The following SLIT2 variants were observed in gnomAD, a reference collection of about 807,000 sequenced individuals.
SLIT2 encodes slit homolog 2 protein.
Under a neutral mutation model 185.7 loss-of-function variants are expected in SLIT2, and 41 were observed. That is an observed-to-expected ratio of 0.22 (90% CI 0.17 to 0.29). The LOEUF (loss-of-function observed/expected upper bound fraction) is 0.29. Among genes scored for constraint, SLIT2 ranks in the 10% least tolerant of loss-of-function variants. The probability of loss-of-function intolerance (pLI) is 1.00; values close to 1 mark genes in which losing one functional copy is unlikely to be tolerated. For synonymous variants in SLIT2, 693 were observed against 680.2 expected (o/e 1.02, Z -0.29); for missense variants, 1,571 against 1,909.0 (o/e 0.82, Z 3.30).
Position 20,253,678 on chromosome 4 carries a change from T to A in SLIT2, c.-138T>A. 1.0e-6 allele frequency: 1 copy of A among 985,112 alleles called. No individual in the cohort carries two copies. Among genetic ancestry groups the A allele is most frequent in the Admixed American group, 2.2e-5 (1 of 45,588 alleles). 61.0% of individuals were successfully genotyped at this position (985,112 alleles called of 1,614,324 possible). On this transcript the variant is annotated 5_prime_UTR_variant, in exon 1 of 37. Coordinates refer to ENST00000504154, the MANE Select transcript of SLIT2 (RefSeq NM_004787.4). ...TGGGCTCTACTGCCTTGTTCCATAT[T>A]ATTTGGTGCACATTTTCCCTGGCAC...
intron 4 of SLIT2, among the ~76,000 whole-genome samples, chr4:20,455,923 G>T (rs1279240069): frequency 6.6e-6 from 1 of 152,028 alleles, no homozygotes; most frequent in Non-Finnish European, 1.5e-5. Context: ...TTTTTCAACT[G>T]AAGTTGAACA....
At chr4:20,328,932 A>G (rs889100366) in intron 4 of SLIT2, among the ~76,000 whole-genome samples, 16 of 152,182 alleles carry the variant, frequency 1.1e-4, no homozygotes, top group Admixed American at 8.5e-4. Flanking sequence ...GAGCGTGGAA[A>G]GTGGGGAGAG....
chr4:20,408,539 A>ACT (rs4055007), intron 4 of SLIT2, among the ~76,000 whole-genome samples: 90,600 of 151,684 alleles, frequency 0.6, 27,929 homozygotes, highest in African/African-American at 0.75. Context: ...CAGTTTGCTG[A>ACT]CTCTGCTGTG....
chr4:20,379,333 G>A (rs1221516618), intron 4 of SLIT2, among the ~76,000 whole-genome samples: 3 of 151,988 alleles, frequency 2.0e-5, no homozygotes, highest in South Asian at 2.1e-4. Context: ...TAAAAATAAC[G>A]ACATTTATTA....
At chr4:20,326,746 CTTTTT>C (rs59509608) in intron 4 of SLIT2, among the ~76,000 whole-genome samples, 1 of 54,728 alleles carries the variant, frequency 1.8e-5, no homozygotes, top group Non-Finnish European at 3.2e-5. Context: ...ATTCTGAAAC[CTTTTT>C]TTTTTTTTTT....
intron 4 of SLIT2, among the ~76,000 whole-genome samples, chr4:20,291,047 T>A (rs1292542563): frequency 2.6e-5 from 4 of 152,026 alleles, no homozygotes; most frequent in Non-Finnish European, 5.9e-5. Context: ...AGCACCCAAC[T>A]ATTTTTTTTT....
intron 9 of SLIT2, among the ~76,000 whole-genome samples, chr4:20,508,306 A>C (rs1024320020): frequency 2.0e-5 from 3 of 152,076 alleles, no homozygotes; most frequent in Non-Finnish European, 4.4e-5. Flanking sequence ...TACCTAAGAA[A>C]ATAAGGAAAG....
intron 4 of SLIT2, among the ~76,000 whole-genome samples, chr4:20,337,128 T>G (rs1720572638): frequency 6.6e-6 from 1 of 152,182 alleles, no homozygotes; most frequent in African/African-American, 2.4e-5. Context: ...TTAAGTAGTG[T>G]ATTAGTCTGT....
At chr4:20,547,334 G>A (rs973243053) in intron 22 of SLIT2, among the ~76,000 whole-genome samples, 1 of 152,104 alleles carries the variant, frequency 6.6e-6, no homozygotes, top group Non-Finnish European at 1.5e-5. Flanking sequence ...GGGACAGCAT[G>A]TGATTACTTT....
At chr4:20,324,179 T>A (rs950258958) in intron 4 of SLIT2, among the ~76,000 whole-genome samples, 1 of 152,118 alleles carries the variant, frequency 6.6e-6, no homozygotes, top group East Asian at 1.9e-4. Context: ...CATGTGACAC[T>A]TGAGATCCTT....
chr4:20,591,295 AC>A (rs1433665747), intron 30 of SLIT2, among the ~76,000 whole-genome samples: 1 of 152,188 alleles, frequency 6.6e-6, no homozygotes. Flanking sequence ...ATTTGTACTT[AC>A]CGAACAGATC....
At chr4:20,330,551 G>T (rs1402594864) in intron 4 of SLIT2, among the ~76,000 whole-genome samples, 1 of 152,012 alleles carries the variant, frequency 6.6e-6, no homozygotes, top group Non-Finnish European at 1.5e-5. Context: ...AAGGAAAAAT[G>T]AATTAATAGT....
intron 4 of SLIT2, among the ~76,000 whole-genome samples, chr4:20,431,119 C>A (rs1728941475): frequency 6.6e-6 from 1 of 152,170 alleles, no homozygotes; most frequent in Admixed American, 6.5e-5. Flanking sequence ...TCTCAGGCCC[C>A]AGAAATAATG....
intron 5 of SLIT2, among the ~76,000 whole-genome samples, chr4:20,472,954 C>T (rs1025228716): frequency 6.6e-6 from 1 of 151,528 alleles, no homozygotes; most frequent in Non-Finnish European, 1.5e-5. Flanking sequence ...AATATATAAA[C>T]TTTAAAATTA....
rs775638675 is a variant in SLIT2 at position 20,595,801 on chromosome 4, A to C, written c.3287A>C (p.Asn1096Thr). 11 of 1,613,996 alleles carry C rather than the reference A, an allele frequency of 6.8e-6. No individual in the cohort carries two copies. Among genetic ancestry groups the C allele is most frequent in the Non-Finnish European group, 6.8e-6 (8 of 1,179,966 alleles). The change falls in exon 31 of 37, where the codon AAC becomes ACC. Residue 1096 changes from asparagine to threonine, a missense_variant. Physicochemically the swap from Asn to Thr is moderately conservative, Grantham distance 65. Around this residue, in one of 3 missense-constraint regions of SLIT2, gnomAD observed 1,202 missense variants for 1,416.4 expected, o/e 0.85. Coordinates refer to ENST00000504154, the MANE Select transcript of SLIT2 (RefSeq NM_004787.4). ...KNGAHCTDAV[N>T]GYTCICPEGY... ...GGAGCCCACTGCACAGATGCAGTGA[A>C]CGGCTATACGTGCATATGCCCCGAA...
intron 4 of SLIT2, among the ~76,000 whole-genome samples, chr4:20,368,235 GAAAA>G (rs942235918): frequency 6.6e-5 from 7 of 105,478 alleles, no homozygotes; most frequent in African/African-American, 1.4e-4. Context: ...AAAAAAAAAA[GAAAA>G]AAAAGAAAGA....
chr4:20,487,658 G>A (rs997822192), intron 7 of SLIT2, among the ~76,000 whole-genome samples: 22 of 152,142 alleles, frequency 1.4e-4, no homozygotes, highest in African/African-American at 4.6e-4. Flanking sequence ...CAAGCAAACC[G>A]AGCAAGAGGT....
chr4:20,535,433 C>T (rs1156532311), intron 18 of SLIT2, among the ~76,000 whole-genome samples: 3 of 151,948 alleles, frequency 2.0e-5, no homozygotes, highest in African/African-American at 7.3e-5. Context: ...GCAGAAGGCT[C>T]CCTTTTCAAA....
rs569814986 is a variant in SLIT2, at chr4:20,583,212, T to TTTG, written c.3089-6411_3089-6409dup. ...ATAAACTCTGTGGAAATAGGAATAG[T>TTTG]TTGTTGTTGTTGTTGTTGTTGTTTA... On this transcript the variant is annotated intron_variant, in intron 29 of 36. Coordinates refer to ENST00000504154, the MANE Select transcript of SLIT2 (RefSeq NM_004787.4). Among the ~76,000 whole-genome samples, 544 of 152,190 alleles carry TTTG rather than the reference T, an allele frequency of 3.6e-3. 3 individuals are homozygous for TTTG. The highest frequency in any genetic ancestry group is 9.7e-3 in the African/African-American group (403 of 41,528).
Sources: gnomAD v4.1 joint callset for allele counts (sites outside exome capture counted in the v4.1 genomes callset) on GRCh38, gnomAD v4.1.1 for gene constraint, gnomAD v4.1.1 regional missense constraint, MANE v1.5 for transcripts, NCBI Gene and HGNC (gene_info 2026-07-23, HGNC 2026-07-21) for gene names.